Variants in TOX2 observed in about 807,000 individuals in gnomAD.
TOX2 encodes the protein granulosa cell HMG box 1.
Under a neutral mutation model 47.4 loss-of-function variants are expected in TOX2, and 15 were observed. The observed-to-expected ratio is 0.32, with a 90% CI of 0.21 to 0.49. The LOEUF is 0.49. Among genes scored for constraint, TOX2 ranks in the 20% least tolerant of loss-of-function variants. TOX2 has a pLI of 0.99. For synonymous variants in TOX2, 290 were observed against 296.6 expected (o/e 0.98, Z 0.23); for missense variants, 622 against 673.1 (o/e 0.92, Z 0.84).
intron 3 of TOX2, among the ~76,000 whole-genome samples, chr20:44,026,228 G>GATATATATATATATATATAGATATAT (rs1555842271): frequency 3.3e-5 from 2 of 60,258 alleles, no homozygotes; most frequent in South Asian, 1.0e-3. Flanking sequence ...AAGAAACTGT[G>GATATATATATATATATATAGATATAT]ATATATATAT....
intron 1 of TOX2, among the ~76,000 whole-genome samples, chr20:43,927,633 T>TTCCTTCCTTCCTCCCC (rs2069190067): frequency 8.4e-6 from 1 of 118,386 alleles, no homozygotes; most frequent in Non-Finnish European, 1.7e-5. Flanking sequence ...TCCTCCTTCC[T>TTCCTTCCTTCCTCCCC]TCCTTCCTCC....
At chr20:43,959,208 G>A (rs534010207) in intron 1 of TOX2, among the ~76,000 whole-genome samples, 99 of 152,324 alleles carry the variant, frequency 6.5e-4, no homozygotes, top group African/African-American at 2.2e-3. Context: ...AGGAATCTGA[G>A]GACGAGAGGG....
At chr20:44,056,915 ATTTGTTTTTT>A (rs921016371) in intron 5 of TOX2, among the ~76,000 whole-genome samples, 3 of 152,022 alleles carry the variant, frequency 2.0e-5, no homozygotes, top group African/African-American at 7.2e-5. Flanking sequence ...CTCCTTTGTT[ATTTGTTTTTT>A]AAGAGACAGG....
chr20:43,945,163 CAAGA>C (rs1197786384), intron 1 of TOX2, among the ~76,000 whole-genome samples: 5 of 151,876 alleles, frequency 3.3e-5, no homozygotes, highest in Admixed American at 2.6e-4. Context: ...AAAAATGAAA[CAAGA>C]AAGAAAAAAG....
chr20:43,994,949 C>T (rs2145564049), intron 2 of TOX2, among the ~76,000 whole-genome samples: 1 of 152,148 alleles, frequency 6.6e-6, no homozygotes, highest in Admixed American at 6.5e-5. Flanking sequence ...GTGTTAGATG[C>T]ACTCCTGTGT....
intron 2 of TOX2, among the ~76,000 whole-genome samples, chr20:44,002,555 G>T (rs778952458): frequency 1.3e-5 from 2 of 152,144 alleles, no homozygotes; most frequent in Non-Finnish European, 2.9e-5. Flanking sequence ...CTGAGGCACA[G>T]AGAGGGTGTT....
chr20:44,014,128 CAAAA>C (rs55721806), intron 3 of TOX2, among the ~76,000 whole-genome samples: 35 of 53,574 alleles, frequency 6.5e-4, no homozygotes, highest in South Asian at 1.3e-3. Context: ...GAGACTATCT[CAAAA>C]AAAAAAAAAA....
chr20:43,984,902 CCCTCCCAGCCA>C (rs1050082473), intron 2 of TOX2, among the ~76,000 whole-genome samples: 1 of 152,172 alleles, frequency 6.6e-6, no homozygotes, highest in African/African-American at 2.4e-5. Flanking sequence ...GCACCCTTCC[CCCTCCCAGCCA>C]CCTCCCAGCC....
intron 2 of TOX2, among the ~76,000 whole-genome samples, chr20:43,993,643 A>G (rs2070410779): frequency 6.6e-6 from 1 of 152,132 alleles, no homozygotes; most frequent in Non-Finnish European, 1.5e-5. Context: ...TTTTGTGTAA[A>G]TAAAGCTTTA....
At chr20:43,950,742 C>T (rs140627757) in intron 1 of TOX2, among the ~76,000 whole-genome samples, 22 of 152,196 alleles carry the variant, frequency 1.4e-4, no homozygotes, top group Middle Eastern at 3.4e-3. Context: ...CCCTCACCTG[C>T]TCAACTCTTT....
chr20:43,960,437 C>A (rs1206136673), intron 1 of TOX2, among the ~76,000 whole-genome samples: 1 of 152,208 alleles, frequency 6.6e-6, no homozygotes, highest in African/African-American at 2.4e-5. Flanking sequence ...GAATGCTTAG[C>A]TCCCTGCCTC....
intron 2 of TOX2, among the ~76,000 whole-genome samples, chr20:44,004,212 A>T (rs1367901890): frequency 6.6e-6 from 1 of 152,182 alleles, no homozygotes; most frequent in Non-Finnish European, 1.5e-5. Flanking sequence ...GGGTATTATG[A>T]TCAACAAACG....
intron 5 of TOX2, 109 bp from the exon 6 acceptor site, chr20:44,064,664 ACCAC>A (rs2071777957): frequency 2.0e-6 from 2 of 1,009,584 alleles, no homozygotes; most frequent in Non-Finnish European, 3.0e-6. Flanking sequence ...TTCTGACCCC[ACCAC>A]CCTCGTCCAT....
At chr20:43,990,645 C>A (rs1215481465) in intron 2 of TOX2, among the ~76,000 whole-genome samples, 1 of 152,140 alleles carries the variant, frequency 6.6e-6, no homozygotes, top group Non-Finnish European at 1.5e-5. Flanking sequence ...TAGTATCAGG[C>A]AAGGTTGCAG....
At chr20:43,926,223 A>G (rs1270222535) in intron 1 of TOX2, among the ~76,000 whole-genome samples, 1 of 152,122 alleles carries the variant, frequency 6.6e-6, no homozygotes, top group African/African-American at 2.4e-5. Context: ...TGTCTCATTT[A>G]TTCTGCAAAT....
chr20:44,052,576 A>G (rs924038464), intron 4 of TOX2, among the ~76,000 whole-genome samples: 19 of 152,178 alleles, frequency 1.2e-4, no homozygotes, highest in Admixed American at 9.8e-4. Flanking sequence ...CCTCTATTAT[A>G]GTCCATGCAG....
At chr20:43,965,487 A>G (rs1402672798) in intron 1 of TOX2, among the ~76,000 whole-genome samples, 1 of 152,196 alleles carries the variant, frequency 6.6e-6, no homozygotes, top group Non-Finnish European at 1.5e-5. Flanking sequence ...TCCCTGTCAC[A>G]TAGTAAGCAC....
chr20:43,997,978 A>T (rs1199464241), intron 2 of TOX2, among the ~76,000 whole-genome samples: 1 of 152,144 alleles, frequency 6.6e-6, no homozygotes, highest in Non-Finnish European at 1.5e-5. Context: ...CTAGAAAACT[A>T]CCTGAGACTG....
chr20:43,972,821 C>G (rs2069999529), intron 1 of TOX2, among the ~76,000 whole-genome samples: 1 of 152,248 alleles, frequency 6.6e-6, no homozygotes. Context: ...TGGTCTCTAC[C>G]ATAGTCCTCA....
Sources: gnomAD v4.1 joint callset for allele counts (sites outside exome capture counted in the v4.1 genomes callset) on GRCh38, gnomAD v4.1.1 for gene constraint, MANE v1.5 for transcripts, NCBI Gene and HGNC (gene_info 2026-07-23, HGNC 2026-07-21) for gene names.